Variants in PRRT3 observed in about 807,000 individuals in gnomAD.
PRRT3 encodes proline rich transmembrane protein 3, also known as proline-rich transmembrane protein 3.
In PRRT3, 48 loss-of-function variants were observed where a neutral mutation model predicts 56.6. That is an observed-to-expected ratio of 0.85 (90% CI 0.67 to 1.08). The LOEUF (loss-of-function observed/expected upper bound fraction) is 1.08, where lower values mean the gene tolerates loss of function less well. Among genes scored for constraint, PRRT3 ranks in the 50% least tolerant of loss-of-function variants. The pLI is 0.00. For missense variants in PRRT3, 1,370 were observed against 1,353.1 expected (o/e 1.01, Z -0.20); for synonymous variants, 641 against 619.1 (o/e 1.04, Z -0.52).
chr3:9,949,010 G>A lies in PRRT3; in HGVS notation c.1015+91C>T. On this transcript the variant is annotated intron_variant, in intron 2 of 3. Transcript: ENST00000412055. The surrounding 1 kb of genome is among the most constrained non-coding windows in gnomAD (Gnocchi z 4.5). ...CAATCAACCTCATTTGCCACAAAGA[G>A]GAAAATGAGACCTAGAGGGACCCAG... 2.0e-6 allele frequency: 3 copies of A among 1,516,364 alleles called. No individual in the cohort carries two copies. The highest frequency in any genetic ancestry group is 2.6e-6 in the Non-Finnish European group (3 of 1,136,562). The allele number at this position is 1,516,364 out of a possible 1,614,324, so 93.9% of individuals were successfully genotyped here.
At chr3:9,951,706 G>T (rs2085622107) in intron 1 of PRRT3, among the ~76,000 whole-genome samples, 1 of 152,078 alleles carries the variant, frequency 6.6e-6, no homozygotes, top group Non-Finnish European at 1.5e-5. Context: ...TCCCAGTGAG[G>T]CTCCTGCGCT....
chr3:9,946,264 TC>T lies in PRRT3; in HGVS notation c.2908del (p.Glu970AsnfsTer17), dbSNP rs778138006. Reference protein sequence around the residue: ...GEVQPRGKPGESRSASSDTIE... With the variant: ...GEVQPRGKPGXSRSASSDTIE... ...GGTATCACTGGAGGCGCTGCGGGATTCCCCAGGCTTGCCGCGCGGCTGGACC... is the reference window on the plus strand; with the variant it reads ...GGTATCACTGGAGGCGCTGCGGGATTCCCAGGCTTGCCGCGCGGCTGGACC... On this transcript the variant is annotated frameshift_variant, in exon 4 of 4. Coordinates refer to ENST00000412055, the MANE Select transcript of PRRT3 (RefSeq NM_207351.5). LOFTEE classifies it high-confidence loss of function. The surrounding 1 kb of genome is among the most constrained non-coding windows in gnomAD (Gnocchi z 4.1). 6.2e-7 allele frequency: 1 copy of T among 1,612,706 alleles called. No individual in the cohort carries two copies. The highest frequency in any genetic ancestry group is 8.5e-7 in the Non-Finnish European group (1 of 1,179,814).
chr3:9,948,483 C>T (rs1420846514), intron 3 of PRRT3: 3 of 511,558 alleles, frequency 5.9e-6, no homozygotes, highest in Non-Finnish European at 6.8e-6. Flanking sequence ...TGCACCACCA[C>T]GCCCAACTAA....
rs370440592 is a variant in PRRT3, at chr3:9,946,245, A to G, written c.2928T>C (p.Ser976=). ...CCGCTCTTCAAAGCTCGATGGTATCACTGGAGGCGCTGCGGGATTCCCCAG... is the reference window on the plus strand; with the variant it reads ...CCGCTCTTCAAAGCTCGATGGTATCGCTGGAGGCGCTGCGGGATTCCCCAG... ...GKPGESRSAS[S]DTIEL Residue 976 remains serine (S), a synonymous_variant, in exon 4 of 4, where the codon AGT becomes AGC. Coordinates refer to ENST00000412055, the MANE Select transcript of PRRT3 (RefSeq NM_207351.5). This position sits in a 1 kb window ranked among gnomAD's most constrained non-coding sequence, Gnocchi z 4.1. 4 of 1,612,482 alleles carry G rather than the reference A, an allele frequency of 2.5e-6. No individual in the cohort carries two copies. Among genetic ancestry groups the G allele is most frequent in the Admixed American group, 1.7e-5 (1 of 59,918 alleles).
rs559913850 is a variant in PRRT3 at position 9,946,759 on chromosome 3, C to T, written c.2414G>A (p.Arg805Gln). The change falls in exon 4 of 4, where the codon CGG becomes CAG. Residue 805 changes from arginine to glutamine, a missense_variant. Transcript: ENST00000412055. The surrounding 1 kb of genome is among the most constrained non-coding windows in gnomAD (Gnocchi z 4.1). ...PAPSLSELDLRPPSPINLSRS... is the reference protein window; with the variant it reads ...PAPSLSELDLQPPSPINLSRS... ...GCTCAGGTTGATGGGCGATGGCGGC[C>T]GCAGATCCAGCTCGCTCAGCGATGG... The T allele has an allele frequency of 9.8e-6, 15 of 1,536,086 alleles. No individual in the cohort carries two copies. The East Asian group carries it at 1.6e-4, about 17-fold the overall frequency.
rs534418644 is a variant in PRRT3 at position 9,946,345 on chromosome 3, G to A, written c.2828C>T (p.Ala943Val). 1 of 1,611,822 alleles carries A rather than the reference G, an allele frequency of 6.2e-7. No individual in the cohort carries two copies. The highest frequency in any genetic ancestry group is 1.3e-5 in the African/African-American group (1 of 75,030). Residue 943 changes from alanine (A) to valine (V), a missense_variant, in exon 4 of 4, where the codon GCC becomes GTC. By Grantham distance (64) the Ala-to-Val change is moderately conservative. Transcript: ENST00000412055. This position sits in a 1 kb window ranked among gnomAD's most constrained non-coding sequence, Gnocchi z 4.1. ...ELPSTVQLLP[A>V]PTPAPDSTAA... ...GGTAGAATCAGGGGCTGGGGTCGGGGCAGGCAGTAGCTGTACCGTGCTGGG... is the reference window on the plus strand; with the variant it reads ...GGTAGAATCAGGGGCTGGGGTCGGGACAGGCAGTAGCTGTACCGTGCTGGG...
chr3:9,950,253 A>C, intron 1 of PRRT3, 81 bp from the exon 2 acceptor site: 2 of 534,854 alleles, frequency 3.7e-6, no homozygotes, highest in Non-Finnish European at 5.8e-6. Context: ...CAGGAAAGAA[A>C]AGCAACGCAA....
Position 9,948,817 on chromosome 3 carries a change from G to A in PRRT3, c.1112C>T (p.Pro371Leu). Residue 371 changes from proline to leucine, a missense_variant, in exon 3 of 4, where the codon CCC (proline) becomes CTC (leucine). Pro to Leu is a moderately conservative substitution (Grantham distance 98, BLOSUM62 -3). Transcript: ENST00000412055. ...PGTPKSLIPG[P>L]SDPGPAVNRT... ...GTTTACAGCTGGGCCAGGGTCTGAG[G>A]GACCAGGGATGAGAGACTTGGGGGT... 1 of 1,613,614 alleles carries A rather than the reference G, an allele frequency of 6.2e-7. No individual in the cohort carries two copies. Among genetic ancestry groups the A allele is most frequent in the Non-Finnish European group, 8.5e-7 (1 of 1,179,848 alleles).
chr3:9,947,676 C>T lies in PRRT3; in HGVS notation c.1497G>A (p.Gly499=), dbSNP rs1220233801. The T allele has an allele frequency of 6.4e-7, 1 of 1,568,180 alleles. No individual in the cohort carries two copies. Among genetic ancestry groups the T allele is most frequent in the Non-Finnish European group, 8.6e-7 (1 of 1,159,722 alleles). Residue 499 remains glycine, a synonymous_variant, in exon 4 of 4, where the codon GGG becomes GGA. Coordinates refer to ENST00000412055, the MANE Select transcript of PRRT3 (RefSeq NM_207351.5). The surrounding 1 kb of genome is among the most constrained non-coding windows in gnomAD (Gnocchi z 9.2). ...CCGCGGCCACCAATGCCAGCCGGGG[C>T]CCTGCTGGGGCGGCTGCCAGCGCAG... The part of the protein sequence containing the change: ...ALAALAAAPA[G]PRLALVAAVL...
intron 1 of PRRT3, among the ~76,000 whole-genome samples, chr3:9,950,804 G>A (rs1203727094): frequency 6.6e-6 from 1 of 152,200 alleles, no homozygotes; most frequent in Middle Eastern, 3.2e-3. Context: ...CACCCTGCCT[G>A]AAATGTTATT....
intron 3 of PRRT3, 118 bp from the exon 4 acceptor site, chr3:9,948,119 A>C: frequency 1.0e-5 from 11 of 1,084,546 alleles, no homozygotes; most frequent in Non-Finnish European, 1.3e-5. Flanking sequence ...AATGGAGATA[A>C]CAGCACCTGC....
chr3:9,947,342 C>A lies in PRRT3; in HGVS notation c.1831G>T (p.Ala611Ser). 6.2e-7 allele frequency: 1 copy of A among 1,609,026 alleles called. No homozygotes were observed. Among genetic ancestry groups the A allele is most frequent in the Non-Finnish European group, 8.5e-7 (1 of 1,178,740 alleles). ...AGGCAGAGCGTGCCCAGAGCCACGG[C>A]CGCGCCCCAGGCGCACGACAAGCCC... is the stretch of plus-strand genomic sequence containing the variant. ...TQGLSCAWGA[A>S]VALGTLCLCR... The change falls in exon 4 of 4, where the codon GCC becomes TCC. Residue 611 changes from alanine (A) to serine (S), a missense_variant. By Grantham distance (99) the Ala-to-Ser change is moderately conservative (BLOSUM62 1). Transcript: ENST00000412055. This position sits in a 1 kb window ranked among gnomAD's most constrained non-coding sequence, Gnocchi z 9.2.
chr3:9,949,225 G>A lies in PRRT3; in HGVS notation c.891C>T (p.Ser297=), dbSNP rs778252939. The change falls in exon 2 of 4, where the codon TCC becomes TCT. Residue 297 remains serine (S), a synonymous_variant. Transcript: ENST00000412055. The surrounding 1 kb of genome is among the most constrained non-coding windows in gnomAD (Gnocchi z 4.5). ...GGGGACCTGGGGAGCTGACTTCCCAGGACACCTCAGCGCCAGCCCTCTTGG... is the reference window on the plus strand; with the variant it reads ...GGGGACCTGGGGAGCTGACTTCCCAAGACACCTCAGCGCCAGCCCTCTTGG... ...ETPKRAGAEV[S]WEVSSPGPPP... 1 of 1,605,168 alleles carries A rather than the reference G, an allele frequency of 6.2e-7. No individual in the cohort carries two copies. Among genetic ancestry groups the A allele is most frequent in the Non-Finnish European group, 8.5e-7 (1 of 1,175,892 alleles).
rs2085553686 is a variant in PRRT3, at chr3:9,947,764, GAGA to G, written c.1406_1408del (p.Phe469del). On this transcript the variant is annotated inframe_deletion, in exon 4 of 4. Coordinates refer to ENST00000412055, the MANE Select transcript of PRRT3 (RefSeq NM_207351.5). This position sits in a 1 kb window ranked among gnomAD's most constrained non-coding sequence, Gnocchi z 9.2. ...CACCCCGTAGACGTGCAGCTCCCAG[GAGA>G]AGCTCAGGACCCGCCGAAGGGGGCC... is the stretch of plus-strand genomic sequence containing the variant. The G allele has an allele frequency of 4.7e-6, 7 of 1,502,162 alleles. No individual in the cohort carries two copies. Among genetic ancestry groups the G allele is most frequent in the Non-Finnish European group, 6.2e-6 (7 of 1,129,508 alleles). 93.1% of individuals were successfully genotyped at this position (1,502,162 alleles called of 1,614,324 possible).
chr3:9,946,487 C>T lies in PRRT3; in HGVS notation c.2686G>A (p.Ala896Thr). 2 of 1,549,632 alleles carry T rather than the reference C, an allele frequency of 1.3e-6. No individual in the cohort carries two copies. Among genetic ancestry groups the T allele is most frequent in the Non-Finnish European group, 1.7e-6 (2 of 1,147,032 alleles). Residue 896 changes from alanine to threonine, a missense_variant, in exon 4 of 4, where the codon GCC becomes ACC. Ala to Thr is a moderately conservative substitution (Grantham distance 58). Transcript: ENST00000412055. This position sits in a 1 kb window ranked among gnomAD's most constrained non-coding sequence, Gnocchi z 4.1. Reference protein sequence around the residue: ...QHVVEAPDGAAAAASGSSLDS... With the variant: ...QHVVEAPDGATAAASGSSLDS... ...AGGGAGCTGCCAGAAGCCGCAGCGG[C>T]TGCCCCGTCGGGTGCTTCCACTACG... is the stretch of plus-strand genomic sequence containing the variant.
rs746837398 is a variant in PRRT3 at position 9,949,658 on chromosome 3, GTGAGA to G, written c.453_457del (p.Leu152PhefsTer22). The G allele has an allele frequency of 1.2e-6, 2 of 1,614,182 alleles. No individual in the cohort carries two copies. The highest frequency in any genetic ancestry group is 1.7e-6 in the Non-Finnish European group (2 of 1,180,046). On this transcript the variant is annotated frameshift_variant, in exon 2 of 4. Transcript: ENST00000412055. LOFTEE classifies it high-confidence loss of function. The surrounding 1 kb of genome is among the most constrained non-coding windows in gnomAD (Gnocchi z 4.5). ...ACGTCTGGGAGTTGTGGGGATGAAA[GTGAGA>G]TGAGGGTGGCCCACTGGGTGGGGAG...
Position 9,950,147 on chromosome 3 carries a change from C to A in PRRT3, c.-32G>T. Reference sequence around the variant, plus strand: ...CTCCGATGCCTGGGCCTAAAGCCCCCACCTTCCAGTCCTCACTGGATGAGC... The same window carrying A: ...CTCCGATGCCTGGGCCTAAAGCCCCAACCTTCCAGTCCTCACTGGATGAGC... On this transcript the variant is annotated 5_prime_UTR_variant, in exon 2 of 4. Coordinates refer to ENST00000412055, the MANE Select transcript of PRRT3 (RefSeq NM_207351.5). 7.2e-7 allele frequency: 1 copy of A among 1,395,712 alleles called. No homozygotes were observed. Among genetic ancestry groups the A allele is most frequent in the Non-Finnish European group, 9.4e-7 (1 of 1,069,470 alleles). The allele number at this position is 1,395,712 out of a possible 1,614,324, so 86.5% of individuals were successfully genotyped here. A position where few individuals can be genotyped will look rare whatever the true frequency, so the allele number is the denominator to read the frequency against.
rs746027654 is a variant in PRRT3 at position 9,949,888 on chromosome 3, G to A, written c.228C>T (p.Arg76=). ...CAGGCATCTCTTCAGCAGGGGCGTG[G>A]CGGACATCAGAGTTCCTGTGACTGT... is the stretch of plus-strand genomic sequence containing the variant. The part of the protein sequence containing the change: ...RADSHRNSDV[R]HAPAEEMPEK... Residue 76 remains arginine (R), a synonymous_variant, in exon 2 of 4, where the codon CGC becomes CGT. Coordinates refer to ENST00000412055, the MANE Select transcript of PRRT3 (RefSeq NM_207351.5). This position sits in a 1 kb window ranked among gnomAD's most constrained non-coding sequence, Gnocchi z 4.5. The A allele has an allele frequency of 1.5e-5, 24 of 1,613,444 alleles. No individual in the cohort carries two copies. Among genetic ancestry groups the A allele is most frequent in the Non-Finnish European group, 1.9e-5 (23 of 1,179,574 alleles).
Position 9,948,923 on chromosome 3 carries a change from C to T in PRRT3, c.1016-10G>A. The T allele has an allele frequency of 6.4e-7, 1 of 1,559,114 alleles. No individual in the cohort carries two copies. Among genetic ancestry groups the T allele is most frequent in the Non-Finnish European group, 8.7e-7 (1 of 1,152,240 alleles). ...TTCATTGCTGCTCTCTCTGAAATGACAAAGCAGTCATCACCTTACCTGACC... is the reference window on the plus strand; with the variant it reads ...TTCATTGCTGCTCTCTCTGAAATGATAAAGCAGTCATCACCTTACCTGACC... On this transcript the variant is annotated splice_polypyrimidine_tract_variant and intron_variant, in intron 2 of 3. Coordinates refer to ENST00000412055, the MANE Select transcript of PRRT3 (RefSeq NM_207351.5).
Sources: gnomAD v4.1 joint callset for allele counts (sites outside exome capture counted in the v4.1 genomes callset) on GRCh38, gnomAD v4.1.1 for gene constraint, Gnocchi (gnomAD v3.1) non-coding constraint, MANE v1.5 for transcripts, NCBI Gene and HGNC (gene_info 2026-07-23, HGNC 2026-07-21) for gene names.